The following ZNF536 variants were observed in gnomAD, a reference collection of about 807,000 sequenced individuals.
ZNF536 encodes the protein zinc finger protein 536.
A neutral mutation model predicts 84.5 loss-of-function variants in ZNF536; 13 were observed. That is an observed-to-expected ratio of 0.15 (90% CI 0.10 to 0.24). The LOEUF is 0.24. Ranked by LOEUF, ZNF536 falls within the 10% of genes least tolerant of loss-of-function variation. The pLI, the probability that ZNF536 is intolerant of heterozygous loss-of-function variation, is 1.00. For missense variants in ZNF536, 1,536 were observed against 1,747.5 expected (o/e 0.88, Z 2.16); for synonymous variants, 811 against 742.5 (o/e 1.09, Z -1.50).
Position 30,271,294 on chromosome 19 carries a change from C to CTTTT in ZNF536, c.-189-12777_-189-12774dup, listed in dbSNP as rs879683203. On this transcript the variant is annotated intron_variant, in intron 1 of 5. Coordinates refer to the ZNF536 transcript ENST00000585628. ...CTGGAAGCTTTCCCTGTGTTTTTTTCTTTTCTTTTTTTTTTTTTTTTTTTT... is the reference window on the plus strand; with the variant it reads ...CTGGAAGCTTTCCCTGTGTTTTTTTCTTTTTTTTCTTTTTTTTTTTTTTTTTTTT... Among the ~76,000 whole-genome samples the CTTTT allele has an allele frequency of 7.8e-3, 799 of 103,044 alleles. 53 individuals are homozygous for CTTTT. Among genetic ancestry groups the CTTTT allele is most frequent in the African/African-American group, 0.024 (681 of 28,212 alleles). 67.6% of individuals were successfully genotyped at this position (103,044 alleles called of 152,430 possible).
chr19:30,365,916 T>C (rs1188910495), intron 3 of ZNF536, among the ~76,000 whole-genome samples: 1 of 152,248 alleles, frequency 6.6e-6, no homozygotes, highest in Admixed American at 6.5e-5. Flanking sequence ...AATAATTATA[T>C]AAGCCTTCAT....
chr19:30,646,413 G>A (rs2049471074), intron 1 of ZNF536, among the ~76,000 whole-genome samples: 1 of 152,244 alleles, frequency 6.6e-6, no homozygotes, highest in African/African-American at 2.4e-5. Flanking sequence ...TGCACAATGT[G>A]TGTTTAGGCA....
intron 1 of ZNF536, among the ~76,000 whole-genome samples, chr19:30,672,786 C>T (rs974838513): frequency 1.3e-5 from 2 of 152,096 alleles, no homozygotes; most frequent in Admixed American, 1.3e-4. Flanking sequence ...GAGAAGATCC[C>T]AGGAAGTACA....
At chr19:30,496,764 C>T in intron 2 of ZNF536, among the ~76,000 whole-genome samples, 1 of 151,040 alleles carries the variant, frequency 6.6e-6, no homozygotes, top group East Asian at 2.0e-4. Flanking sequence ...GAGTGATGGT[C>T]CGGGGTTGGC....
Position 30,363,017 on chromosome 19 carries a change from C to A in ZNF536, c.-3+10533C>A, listed in dbSNP as rs566334586. On this transcript the variant is annotated intron_variant, in intron 3 of 5. Coordinates refer to the ZNF536 transcript ENST00000585628. ...GAGGTTCCAGTGAGCCAAGATTGTG[C>A]CACTGCACTCCAGCCTGGGCAACGC... Among the ~76,000 whole-genome samples, 13 of 152,144 alleles carry A rather than the reference C, an allele frequency of 8.5e-5. No homozygotes were observed. In the South Asian group the frequency reaches 2.5e-3, roughly 29 times the overall value.
intron 2 of ZNF536, among the ~76,000 whole-genome samples, chr19:30,469,416 A>G (rs968398312): frequency 5.9e-5 from 9 of 152,218 alleles, no homozygotes; most frequent in African/African-American, 2.2e-4. Flanking sequence ...CATCTCAAAA[A>G]AAAAGAGAGG....
At chr19:30,394,693 A>C (rs1399479704) in intron 1 of ZNF536, among the ~76,000 whole-genome samples, 1 of 152,158 alleles carries the variant, frequency 6.6e-6, no homozygotes, top group Non-Finnish European at 1.5e-5. Context: ...ACACATGAGC[A>C]GTTGCTTTTC....
At chr19:30,492,790 C>CAT (rs1429906694) in intron 2 of ZNF536, among the ~76,000 whole-genome samples, 1 of 152,148 alleles carries the variant, frequency 6.6e-6, no homozygotes, top group Non-Finnish European at 1.5e-5. Flanking sequence ...GGAGATAAAG[C>CAT]ATATACTATG....
chr19:30,613,856 C>A (rs373032590), intron 1 of ZNF536, among the ~76,000 whole-genome samples: 4 of 150,578 alleles, frequency 2.7e-5, no homozygotes, highest in Non-Finnish European at 4.4e-5. Context: ...TTGTTTGGTT[C>A]TTTTATTTAT....
intron 2 of ZNF536, among the ~76,000 whole-genome samples, chr19:30,349,774 A>G (rs1000603763): frequency 1.3e-5 from 2 of 151,994 alleles, no homozygotes; most frequent in African/African-American, 4.8e-5. Context: ...AGCCAGCAGC[A>G]TGGCCGGATA....
chr19:30,355,498 G>A (rs572737616), intron 3 of ZNF536, among the ~76,000 whole-genome samples: 13 of 152,100 alleles, frequency 8.5e-5, no homozygotes, highest in African/African-American at 2.4e-4. Context: ...TGCGATCCCC[G>A]TGCCTTAGCC....
intron 1 of ZNF536, among the ~76,000 whole-genome samples, chr19:30,673,502 G>A (rs55797514): frequency 0.24 from 37,169 of 152,094 alleles, 4,948 homozygotes; most frequent in African/African-American, 0.3. Flanking sequence ...CTCCCGCCCT[G>A]TGCCTGCCAC....
intron 1 of ZNF536, among the ~76,000 whole-genome samples, chr19:30,674,590 C>T (rs2050685563): frequency 6.6e-6 from 1 of 152,092 alleles, no homozygotes; most frequent in Non-Finnish European, 1.5e-5. Context: ...AGCTCTGGGA[C>T]CTGAAGAGCA....
chr19:30,400,275 T>C (rs1240351147), intron 1 of ZNF536, among the ~76,000 whole-genome samples: 3 of 152,164 alleles, frequency 2.0e-5, no homozygotes, highest in African/African-American at 7.2e-5. Context: ...GGTAAGGGTA[T>C]GTTTTATTTT....
intron 1 of ZNF536, among the ~76,000 whole-genome samples, chr19:30,383,769 TTC>T (rs1445624603): frequency 1.2e-5 from 1 of 82,442 alleles, no homozygotes; most frequent in Non-Finnish European, 3.4e-5. Flanking sequence ...CTTTCTTTCT[TTC>T]TTTTCTTTCT....
At chr19:30,499,027 T>TTTC (rs199749125) in intron 2 of ZNF536, among the ~76,000 whole-genome samples, 42 of 134,944 alleles carry the variant, frequency 3.1e-4, no homozygotes, top group East Asian at 8.1e-4. Flanking sequence ...GGTACTTCTT[T>TTTC]TTCTTCTTTT....
intron 1 of ZNF536, among the ~76,000 whole-genome samples, chr19:30,404,155 C>T (rs570512646): frequency 2.1e-4 from 32 of 152,192 alleles, no homozygotes; most frequent in African/African-American, 7.5e-4. Flanking sequence ...GTAAGGCCAG[C>T]GTTGCCCACG....
intron 2 of ZNF536, among the ~76,000 whole-genome samples, chr19:30,342,185 T>C (rs1182729447): frequency 6.6e-6 from 1 of 152,142 alleles, no homozygotes; most frequent in African/African-American, 2.4e-5. Context: ...GATGTATAAG[T>C]CATAGTTAGA....
chr19:30,689,043 G>A (rs1568673542), intron 1 of ZNF536, among the ~76,000 whole-genome samples: 1 of 152,240 alleles, frequency 6.6e-6, no homozygotes, highest in Non-Finnish European at 1.5e-5. Flanking sequence ...CTCGATGTGT[G>A]TCATCCCCTT....
Sources: gnomAD v4.1 joint callset for allele counts (sites outside exome capture counted in the v4.1 genomes callset) on GRCh38, gnomAD v4.1.1 for gene constraint, MANE v1.5 for transcripts, NCBI Gene and HGNC (gene_info 2026-07-23, HGNC 2026-07-21) for gene names.